Variants in DAB1 observed in about 807,000 individuals in gnomAD.
DAB1 encodes the protein DAB adaptor protein 1, also known as disabled homolog 1.
DAB1 carries 15 observed loss-of-function variants against 64.6 expected under a neutral mutation model. That is an observed-to-expected ratio of 0.23 (90% CI 0.16 to 0.36). DAB1 has a LOEUF of 0.36. DAB1 is among the 10% of genes least tolerant of loss of function. DAB1 has a pLI of 1.00. For synonymous variants in DAB1, 235 were observed against 251.9 expected (o/e 0.93, Z 0.64); for missense variants, 596 against 706.7 (o/e 0.84, Z 1.78).
intron 7 of DAB1, among the ~76,000 whole-genome samples, chr1:57,516,016 A>G (rs1051745161): frequency 6.6e-6 from 1 of 152,234 alleles, no homozygotes; most frequent in African/African-American, 2.4e-5. Flanking sequence ...TTGAATACGT[A>G]AGTCATTTCA....
chr1:57,488,134 C>A (rs117187363), intron 7 of DAB1, among the ~76,000 whole-genome samples: 2,896 of 152,060 alleles, frequency 0.019, 76 homozygotes, highest in East Asian at 0.14. Flanking sequence ...CCAGACACGG[C>A]GGCTCACACC....
chr1:57,197,279 G>A (rs1197257555), intron 2 of DAB1, among the ~76,000 whole-genome samples: 1 of 151,234 alleles, frequency 6.6e-6, no homozygotes, highest in Non-Finnish European at 1.5e-5. Flanking sequence ...AGGAGGTAGA[G>A]GTTGCTATAA....
chr1:57,828,652 A>T (rs1330937248), intron 1 of DAB1, among the ~76,000 whole-genome samples: 7 of 152,384 alleles, frequency 4.6e-5, no homozygotes, highest in South Asian at 2.1e-4. Flanking sequence ...ATTTCAATTG[A>T]CAGCAAGGAT....
intron 1 of DAB1, among the ~76,000 whole-genome samples, chr1:57,418,780 G>T (rs1684684574): frequency 6.6e-6 from 1 of 152,204 alleles, no homozygotes; most frequent in South Asian, 2.1e-4. Flanking sequence ...AAGCAAGCTT[G>T]CAATTTCTTT....
At chr1:57,171,278 G>A (rs563404850) in intron 2 of DAB1, among the ~76,000 whole-genome samples, 1 of 152,216 alleles carries the variant, frequency 6.6e-6, no homozygotes, top group East Asian at 1.9e-4. Flanking sequence ...AAACCCCAAA[G>A]GAATACTACT....
At chr1:57,343,333 C>T (rs1203956514) in intron 1 of DAB1, among the ~76,000 whole-genome samples, 1 of 152,164 alleles carries the variant, frequency 6.6e-6, no homozygotes, top group Non-Finnish European at 1.5e-5. Flanking sequence ...AATCCCTTAG[C>T]TAGACATAGA....
chr1:58,468,864 T>C (rs1231339506), intron 3 of DAB1: 3 of 201,394 alleles, frequency 1.5e-5, no homozygotes, highest in Non-Finnish European at 2.7e-5. Flanking sequence ...GCTGGAGCAT[T>C]TGTCAGTCAT....
intron 2 of DAB1, among the ~76,000 whole-genome samples, chr1:57,198,647 T>TCACACACACA (rs576896744): frequency 6.2e-5 from 7 of 112,960 alleles, no homozygotes; most frequent in African/African-American, 2.2e-4. Context: ...ATCTTCTCTC[T>TCACACACACA]CTCACACACA....
chr1:58,123,166 A>G (rs1652852614), intron 5 of DAB1, among the ~76,000 whole-genome samples: 1 of 152,204 alleles, frequency 6.6e-6, no homozygotes, highest in Non-Finnish European at 1.5e-5. Flanking sequence ...AGTAATCGCC[A>G]TGACAGCATT....
At chr1:57,118,501 G>A (rs761196338) in intron 4 of DAB1, among the ~76,000 whole-genome samples, 3 of 152,086 alleles carry the variant, frequency 2.0e-5, no homozygotes, top group Non-Finnish European at 2.9e-5. Context: ...GGATGTATAC[G>A]TAGCTCCTGC....
intron 1 of DAB1, among the ~76,000 whole-genome samples, chr1:57,343,748 G>A (rs185703250): frequency 0.01 from 1,592 of 152,280 alleles, 29 homozygotes; most frequent in African/African-American, 0.035. Context: ...GCGCTGGCCC[G>A]CAAGCACGGT....
intron 7 of DAB1, among the ~76,000 whole-genome samples, chr1:57,478,840 T>C (rs977998304): frequency 1.3e-5 from 2 of 151,968 alleles, no homozygotes; most frequent in African/African-American, 4.8e-5. Flanking sequence ...GACCTCATGA[T>C]CCACCGACCT....
chr1:57,089,019 C>G (rs1653372128), intron 4 of DAB1, among the ~76,000 whole-genome samples: 1 of 152,222 alleles, frequency 6.6e-6, no homozygotes, highest in South Asian at 2.1e-4. Flanking sequence ...CTTTCACTCA[C>G]AAGCAATGTA....
At chr1:57,536,284 A>C (rs1524712) in intron 7 of DAB1, among the ~76,000 whole-genome samples, 148,404 of 152,292 alleles carry the variant, frequency 0.97, 72,402 homozygotes, top group East Asian at 1. Context: ...TGATCCATGA[A>C]AAACTTTGTG....
chr1:57,653,043 T>C (rs977854303), intron 6 of DAB1, among the ~76,000 whole-genome samples: 5 of 152,188 alleles, frequency 3.3e-5, no homozygotes, highest in Non-Finnish European at 7.4e-5. Flanking sequence ...TCCTACTTAT[T>C]TTCTTATTAA....
chr1:57,035,189 C>G (rs1329785268), intron 9 of DAB1, among the ~76,000 whole-genome samples: 1 of 152,164 alleles, frequency 6.6e-6, no homozygotes, highest in Non-Finnish European at 1.5e-5. Flanking sequence ...GTCGCTACAT[C>G]CTTTATAAAT....
chr1:57,708,269 A>C (rs973628105), intron 6 of DAB1, among the ~76,000 whole-genome samples: 3 of 152,156 alleles, frequency 2.0e-5, no homozygotes, highest in African/African-American at 7.2e-5. Context: ...AGGAGCAAAG[A>C]CCTGGAATCT....
At chr1:57,546,791 T>A (rs1308672788) in intron 7 of DAB1, among the ~76,000 whole-genome samples, 1 of 152,048 alleles carries the variant, frequency 6.6e-6, no homozygotes, top group Non-Finnish European at 1.5e-5. Context: ...AATGATGAAA[T>A]CACCTAAGAA....
At chr1:58,017,897 C>T (rs1305444435) in intron 5 of DAB1, among the ~76,000 whole-genome samples, 1 of 152,202 alleles carries the variant, frequency 6.6e-6, no homozygotes, top group Non-Finnish European at 1.5e-5. Flanking sequence ...CCCAGCCCTC[C>T]TTGAGGCTGC....
Sources: allele counts gnomAD v4.1 joint callset (sites outside exome capture counted in the v4.1 genomes callset), GRCh38; gene constraint gnomAD v4.1.1; transcripts MANE v1.5; gene names NCBI Gene and HGNC (gene_info 2026-07-23, HGNC 2026-07-21).